NUP214: variants seen among roughly 807,000 people sequenced by gnomAD.
The protein encoded by NUP214 is nucleoporin 214, also known as nuclear pore complex protein Nup214.
NUP214 carries 79 observed loss-of-function variants against 196.2 expected under a neutral mutation model. The observed-to-expected ratio is 0.40, with a 90% CI of 0.34 to 0.49. NUP214 has a LOEUF of 0.49. Ranked by LOEUF, NUP214 falls within the 20% of genes least tolerant of loss-of-function variation. The pLI, the probability that NUP214 is intolerant of heterozygous loss-of-function variation, is 0.58. For missense variants in NUP214, 2,468 were observed against 2,539.0 expected, an observed-to-expected ratio of 0.97 and a Z score of 0.60; for synonymous variants, 1,020 against 990.5, an observed-to-expected ratio of 1.03 and a Z score of -0.56.
chr9:131,164,943 A>T (rs1359315057), intron 21 of NUP214, among the ~76,000 whole-genome samples: 1 of 152,220 alleles, frequency 6.6e-6, no homozygotes, highest in East Asian at 1.9e-4. Context: ...TGCCAATAAC[A>T]AATGCTTTTG....
chr9:131,145,078 A>T lies in NUP214; in HGVS notation c.1769+324A>T, dbSNP rs1046285123. 3.3e-5 allele frequency among the ~76,000 whole-genome samples: 5 copies of T among 152,190 alleles called. No homozygotes were observed. The East Asian group carries it at 9.6e-4, about 29-fold the overall frequency. On this transcript the variant is annotated intron_variant, in intron 12 of 35. Transcript: ENST00000359428. ...AGCAATCCAGAGTATGCATCCTGGA[A>T]GGGAAATGAATCCCTTGTAGTCTTT...
chr9:131,194,736 C>G (rs777916339), intron 27 of NUP214, among the ~76,000 whole-genome samples: 7 of 152,208 alleles, frequency 4.6e-5, no homozygotes, highest in Admixed American at 2.0e-4. Flanking sequence ...GCTTCTATTT[C>G]ATTGTATCCA....
intron 30 of NUP214, among the ~76,000 whole-genome samples, chr9:131,212,773 G>A (rs1834281293): frequency 6.6e-6 from 1 of 152,192 alleles, no homozygotes; most frequent in South Asian, 2.1e-4. Flanking sequence ...TAATGGTCAT[G>A]TAGTGATGGT....
intron 21 of NUP214, among the ~76,000 whole-genome samples, chr9:131,172,561 T>C (rs1021062621): frequency 6.6e-6 from 1 of 152,236 alleles, no homozygotes. Context: ...TTTTCTGTGA[T>C]GATGGAAATG....
chr9:131,189,394 T>C (rs1202395056), intron 26 of NUP214, among the ~76,000 whole-genome samples: 3 of 152,190 alleles, frequency 2.0e-5, no homozygotes. Context: ...GATAGAGCAA[T>C]AGGAGAAAAA....
chr9:131,177,241 A>G (rs987172065), intron 23 of NUP214, among the ~76,000 whole-genome samples: 4 of 152,232 alleles, frequency 2.6e-5, no homozygotes, highest in South Asian at 2.1e-4. Flanking sequence ...TCTAACATAT[A>G]TATTGAAGAA....
At chr9:131,219,575 C>G (rs1276863935) in intron 31 of NUP214, among the ~76,000 whole-genome samples, 1 of 152,186 alleles carries the variant, frequency 6.6e-6, no homozygotes, top group Non-Finnish European at 1.5e-5. Context: ...TCTCTGTCAT[C>G]CCCATAGAAT....
Position 131,130,840 on chromosome 9 carries a change from A to G in NUP214, c.663+4A>G. The G allele has an allele frequency of 1.2e-6, 2 of 1,613,430 alleles. No homozygotes were observed. Among genetic ancestry groups the G allele is most frequent in the Admixed American group, 1.7e-5 (1 of 60,014 alleles). On this transcript the variant is annotated splice_donor_region_variant and intron_variant, in intron 5 of 35. Transcript: ENST00000359428. The stretch of plus-strand genomic sequence containing the variant: ...AACTGTGGTCCAGTATCTTCCTGTA[A>G]GTTCTTATCTTGAACTTCAGAATTT...
rs928516924 is a variant in NUP214, at chr9:131,127,852, T to A, written c.241+133T>A. ...GTTTGAAGGTTGACTCCCAAGAAGA[T>A]TAATGGAAGCCTTTCTAGGTTTTCT... On this transcript the variant is annotated intron_variant, in intron 2 of 35. Transcript: ENST00000359428. 1.6e-5 allele frequency: 11 copies of A among 669,126 alleles called. No individual in the cohort carries two copies. The Middle Eastern group carries it at 1.2e-3, about 75-fold the overall frequency. The allele number at this position is 669,126 out of a possible 1,614,324, so 41.4% of individuals were successfully genotyped here.
At chr9:131,145,573 C>T (rs1046931771) in intron 12 of NUP214, among the ~76,000 whole-genome samples, 2 of 152,178 alleles carry the variant, frequency 1.3e-5, no homozygotes, top group Non-Finnish European at 2.9e-5. Flanking sequence ...GTTGACTGCA[C>T]CACAGTTTAT....
intron 26 of NUP214, chr9:131,190,401 T>A (rs1229372371): frequency 8.8e-6 from 6 of 682,086 alleles, no homozygotes; most frequent in Non-Finnish European, 1.6e-5. Flanking sequence ...TGCAAGAAAT[T>A]TCCGAGATTC....
chr9:131,188,162 G>C (rs1269989860), intron 25 of NUP214, among the ~76,000 whole-genome samples: 2 of 152,204 alleles, frequency 1.3e-5, no homozygotes, highest in African/African-American at 4.8e-5. Context: ...CTACACAGTT[G>C]AGTATCAATG....
chr9:131,186,644 A>G (rs1833456487), intron 24 of NUP214, among the ~76,000 whole-genome samples: 1 of 152,258 alleles, frequency 6.6e-6, no homozygotes, highest in Admixed American at 6.5e-5. Context: ...ATATGTGAAC[A>G]CTAGTTATTG....
intron 21 of NUP214, chr9:131,165,307 T>G (rs1157378076): frequency 6.6e-6 from 1 of 152,170 alleles, no homozygotes; most frequent in Non-Finnish European, 1.5e-5. Flanking sequence ...TTACTCTCTC[T>G]CAACCCAGAT....
chr9:131,216,213 C>CTTTTTTTT (rs113694633), intron 31 of NUP214, among the ~76,000 whole-genome samples: 7 of 122,708 alleles, frequency 5.7e-5, no homozygotes, highest in Admixed American at 8.3e-5. Context: ...TTTAAAAATT[C>CTTTTTTTT]TTTTTTTTTT....
chr9:131,232,557 G>A lies in NUP214; in HGVS notation c.6239+249G>A, dbSNP rs1474687792. The A allele has an allele frequency of 1.7e-6, 1 of 577,592 alleles. No homozygotes were observed. The allele number at this position is 577,592 out of a possible 1,614,324, so 35.8% of individuals were successfully genotyped here. Reference sequence around the variant, plus strand: ...GGTTCAAAGAGAAAAGAGCACGCCTGCCAGTGAGCTGGGCCTGAGGGCAGC... The same window carrying A: ...GGTTCAAAGAGAAAAGAGCACGCCTACCAGTGAGCTGGGCCTGAGGGCAGC... On this transcript the variant is annotated intron_variant, in intron 35 of 35. Coordinates refer to ENST00000359428, the MANE Select transcript of NUP214 (RefSeq NM_005085.4). The surrounding 1 kb of genome is among the most constrained non-coding windows in gnomAD (Gnocchi z 5.1).
intron 31 of NUP214, among the ~76,000 whole-genome samples, chr9:131,219,542 A>G (rs1044478796): frequency 6.6e-6 from 1 of 152,194 alleles, no homozygotes; most frequent in Non-Finnish European, 1.5e-5. Context: ...CAGAAGCTCA[A>G]AGCTTGCAAG....
At chr9:131,145,669 A>G (rs139822942) in intron 12 of NUP214, among the ~76,000 whole-genome samples, 44 of 152,292 alleles carry the variant, frequency 2.9e-4, no homozygotes, top group Admixed American at 1.8e-3. Context: ...CCTTTAGGCC[A>G]TAAGTATCCC....
At chr9:131,204,448 C>G (rs773649703) in intron 30 of NUP214, among the ~76,000 whole-genome samples, 25 of 152,172 alleles carry the variant, frequency 1.6e-4, no homozygotes, top group Admixed American at 7.2e-4. Context: ...TGAGGGCTAT[C>G]GATAGCCTCT....
Sources: gnomAD v4.1 joint callset for allele counts (sites outside exome capture counted in the v4.1 genomes callset) on GRCh38, gnomAD v4.1.1 for gene constraint, Gnocchi (gnomAD v3.1) non-coding constraint, MANE v1.5 for transcripts, NCBI Gene and HGNC (gene_info 2026-07-23, HGNC 2026-07-21) for gene names.